GLE1: variants seen among roughly 807,000 people sequenced by gnomAD.
The protein encoded by GLE1 is mRNA export factor GLE1.
GLE1 carries 78 observed loss-of-function variants against 97.3 expected under a neutral mutation model. The observed-to-expected ratio is 0.80, with a 90% CI of 0.67 to 0.97. The LOEUF (loss-of-function observed/expected upper bound fraction) is 0.97. Ranked by LOEUF, GLE1 falls within the 50% of genes least tolerant of loss-of-function variation. The probability of loss-of-function intolerance (pLI) is 0.00; values close to 1 mark genes in which losing one functional copy is unlikely to be tolerated. For missense variants in GLE1, 753 were observed against 857.5 expected (o/e 0.88, Z 1.52); for synonymous variants, 302 against 313.4 (o/e 0.96, Z 0.39).
chr9:128,529,695 T>TCTCTCC (rs1847423583), intron 9 of GLE1, among the ~76,000 whole-genome samples: 1 of 151,096 alleles, frequency 6.6e-6, no homozygotes, highest in African/African-American at 2.4e-5. Context: ...TTCCTCTCTC[T>TCTCTCC]CTCTCCCTCT....
At chr9:128,525,949 C>G (rs746666339) in intron 7 of GLE1, among the ~76,000 whole-genome samples, 1 of 152,024 alleles carries the variant, frequency 6.6e-6, no homozygotes, top group Non-Finnish European at 1.5e-5. Context: ...ATCAGTGTAC[C>G]ATAGTGTTTG....
Position 128,541,555 on chromosome 9 carries a change from C to CA in GLE1, c.*386dup, listed in dbSNP as rs1847883452. The CA allele has an allele frequency of 4.4e-6, 1 of 228,866 alleles. No individual in the cohort carries two copies. Among genetic ancestry groups the CA allele is most frequent in the African/African-American group, 2.3e-5 (1 of 43,892 alleles). The allele number at this position is 228,866 out of a possible 1,614,324, so 14.2% of individuals were successfully genotyped here. On this transcript the variant is annotated 3_prime_UTR_variant, in exon 16 of 16. Transcript: ENST00000309971. Reference sequence around the variant, plus strand: ...CCATTTGCACCCACCTACCCACCCTCACCCCTGTTCAGATGAATTTCCAGA... The same window carrying CA: ...CCATTTGCACCCACCTACCCACCCTCAACCCCTGTTCAGATGAATTTCCAGA...
intron 3 of GLE1, among the ~76,000 whole-genome samples, chr9:128,516,564 C>G (rs1468279254): frequency 6.6e-6 from 1 of 152,066 alleles, no homozygotes; most frequent in East Asian, 1.9e-4. Flanking sequence ...CGTGATCTGC[C>G]CGCCTCGGCC....
At position 128,541,373 on chromosome 9, in the gene GLE1, T is replaced by G; in HGVS notation, c.*203T>G. On this transcript the variant is annotated 3_prime_UTR_variant, in exon 16 of 16. Coordinates refer to ENST00000309971, the MANE Select transcript of GLE1 (RefSeq NM_001003722.2). Reference sequence around the variant, plus strand: ...TCCCTTAGTAGATTTGGTAGTTCCTTAAGAGATCCACGTGATAAAATAAAT... The same window carrying G: ...TCCCTTAGTAGATTTGGTAGTTCCTGAAGAGATCCACGTGATAAAATAAAT... The G allele has an allele frequency of 1.7e-6, 1 of 593,538 alleles. No homozygotes were observed. The highest frequency in any genetic ancestry group is 2.0e-5 in the South Asian group (1 of 49,160). The allele number at this position is 593,538 out of a possible 1,614,324, so 36.8% of individuals were successfully genotyped here.
chr9:128,515,261 A>C (rs1222721376), intron 2 of GLE1, among the ~76,000 whole-genome samples: 1 of 152,220 alleles, frequency 6.6e-6, no homozygotes, highest in Non-Finnish European at 1.5e-5. Flanking sequence ...TTTTCTAGGC[A>C]GAGTAAAACA....
intron 15 of GLE1, chr9:128,540,859 G>A (rs1173065249): frequency 1.9e-6 from 1 of 540,458 alleles, no homozygotes; most frequent in Non-Finnish European, 3.3e-6. Context: ...TGAAAGATGA[G>A]GTTAGCCTGT....
intron 6 of GLE1, 35 bp from the exon 7 acceptor site, chr9:128,525,157 A>G (rs374175204): frequency 1.5e-5 from 22 of 1,480,584 alleles, no homozygotes; most frequent in Non-Finnish European, 2.1e-5. Context: ...TACCTAGGGA[A>G]TGACCACTAA....
rs370704963 is a variant in GLE1 at position 128,523,054 on chromosome 9, C to G, written c.582-226C>G. ...ATTTTACGGGCGTGGTGGAACACAG[C>G]TGTAGTCTCAATTACTAGAGAGGCT... On this transcript the variant is annotated intron_variant, in intron 4 of 15. Transcript: ENST00000309971. 1.8e-4 allele frequency among the ~76,000 whole-genome samples: 27 copies of G among 152,154 alleles called. No individual in the cohort carries two copies. The East Asian group carries it at 3.9e-3, about 22-fold the overall frequency.
chr9:128,518,188 G>C (rs866100914), intron 3 of GLE1, among the ~76,000 whole-genome samples: 1 of 151,160 alleles, frequency 6.6e-6, no homozygotes, highest in South Asian at 2.1e-4. Context: ...TGTTAGTCAC[G>C]GTAGTCATAA....
chr9:128,526,656 G>T (rs1454963504), intron 7 of GLE1, among the ~76,000 whole-genome samples: 2 of 151,746 alleles, frequency 1.3e-5, no homozygotes, highest in Non-Finnish European at 2.9e-5. Context: ...ACTGCGCCCA[G>T]CGTTTTTTGT....
chr9:128,527,371 T>C (rs566045290), intron 8 of GLE1, 80 bp downstream of exon 8: 2 of 1,275,896 alleles, frequency 1.6e-6, no homozygotes, highest in Non-Finnish European at 1.1e-6. Flanking sequence ...CAAAGGAATG[T>C]AGCTGGCATG....
rs190673897 is a variant in GLE1 at position 128,536,432 on chromosome 9, G to C, written c.1724G>C (p.Arg575Pro). The change falls in exon 12 of 16, where the codon CGT becomes CCT. Residue 575 changes from arginine (R) to proline (P), a missense_variant. Coordinates refer to ENST00000309971, the MANE Select transcript of GLE1 (RefSeq NM_001003722.2). The stretch of plus-strand genomic sequence containing the variant: ...CTAAAACGCATGTCAGGGATGATCC[G>C]TCTCTACGCTGCTATCATCCAGCTC... Reference protein sequence around the residue: ...NFLKRMSGMIRLYAAIIQLRW... With the variant: ...NFLKRMSGMIPLYAAIIQLRW... The C allele has an allele frequency of 6.2e-7, 1 of 1,613,888 alleles. No homozygotes were observed. Among genetic ancestry groups the C allele is most frequent in the East Asian group, 2.2e-5 (1 of 44,892 alleles).
chr9:128,528,238 T>G, intron 9 of GLE1, among the ~76,000 whole-genome samples: 1 of 151,738 alleles, frequency 6.6e-6, no homozygotes, highest in East Asian at 2.0e-4. Context: ...TCTCCTGACC[T>G]GGTGATCCAC....
rs777418962 is a variant in GLE1, at chr9:128,504,805, C to G, written c.-1C>G. ...TCAGAGAAGCTGCCCCTTAGCCAACCATGCCGTCTGAGGGTCGCTGCTGGG... is the reference window on the plus strand; with the variant it reads ...TCAGAGAAGCTGCCCCTTAGCCAACGATGCCGTCTGAGGGTCGCTGCTGGG... On this transcript the variant is annotated 5_prime_UTR_variant, in exon 1 of 16. Transcript: ENST00000309971. 5.6e-6 allele frequency: 9 copies of G among 1,603,296 alleles called. No homozygotes were observed. The highest frequency in any genetic ancestry group is 6.8e-6 in the Non-Finnish European group (8 of 1,170,246).
rs1263068955 is a variant in GLE1, at chr9:128,504,838, G to C, written c.33G>C (p.Leu11Phe). Residue 11 changes from leucine (L) to phenylalanine (F), a missense_variant, in exon 1 of 16, where the codon TTG becomes TTC. Physicochemically the swap from Leu to Phe is conservative, Grantham distance 22 (BLOSUM62 0). Transcript: ENST00000309971. MPSEGRCWET[L>F]KALRSSDKGR... ...CTGAGGGTCGCTGCTGGGAGACCTTGAAGGCCCTACGCAGTTCCGACAAAG... is the reference window on the plus strand; with the variant it reads ...CTGAGGGTCGCTGCTGGGAGACCTTCAAGGCCCTACGCAGTTCCGACAAAG... The C allele has an allele frequency of 2.5e-6, 4 of 1,613,284 alleles. No individual in the cohort carries two copies. In the African/African-American group the frequency reaches 4.0e-5, roughly 16 times the overall value.
rs1055916088 is a variant in GLE1, at chr9:128,522,655, A to C, written c.433-13A>C. 3.8e-6 allele frequency: 6 copies of C among 1,596,816 alleles called. No individual in the cohort carries two copies. Among genetic ancestry groups the C allele is most frequent in the African/African-American group, 1.4e-5 (1 of 73,774 alleles). ...CATCTTAAAAAAAAAAAAAAAAAAA[A>C]AAACCTTTTCAGGAGGGCCTGAGGC... On this transcript the variant is annotated splice_polypyrimidine_tract_variant and intron_variant, in intron 3 of 15. Coordinates refer to ENST00000309971, the MANE Select transcript of GLE1 (RefSeq NM_001003722.2).
At chr9:128,515,974 G>A (rs954775617) in intron 3 of GLE1, among the ~76,000 whole-genome samples, 38 of 149,104 alleles carry the variant, frequency 2.5e-4, no homozygotes, top group Non-Finnish European at 4.2e-4. Flanking sequence ...TTTTGAGGTG[G>A]AGTTTTTGCT....
intron 15 of GLE1, 98 bp from the exon 16 acceptor site, chr9:128,541,004 C>A: frequency 1.2e-6 from 1 of 804,642 alleles, no homozygotes; most frequent in Non-Finnish European, 2.2e-6. Context: ...TTCCATAGGG[C>A]TGAAATATGG....
intron 3 of GLE1, among the ~76,000 whole-genome samples, chr9:128,516,400 A>T (rs967538598): frequency 6.6e-6 from 1 of 152,116 alleles, no homozygotes; most frequent in Non-Finnish European, 1.5e-5. Context: ...GCTCACCGCA[A>T]GCTCCGCCTC....
Sources: allele counts gnomAD v4.1 joint callset (sites outside exome capture counted in the v4.1 genomes callset), GRCh38; gene constraint gnomAD v4.1.1; transcripts MANE v1.5; gene names NCBI Gene and HGNC (gene_info 2026-07-23, HGNC 2026-07-21).